The following GDA variants were observed in gnomAD, a reference collection of about 807,000 sequenced individuals.
GDA encodes the protein cytoplasmic PSD-95 interactor.
Under a neutral mutation model 59.6 loss-of-function variants are expected in GDA, and 18 were observed. The observed-to-expected ratio is 0.30, with a 90% CI of 0.21 to 0.45. The LOEUF (loss-of-function observed/expected upper bound fraction) is 0.45, where lower values mean the gene tolerates loss of function less well. Ranked by LOEUF, GDA falls within the 20% of genes least tolerant of loss-of-function variation. GDA has a pLI of 1.00. For missense variants in GDA, 427 were observed against 552.3 expected, an observed-to-expected ratio of 0.77 and a Z score of 2.27; for synonymous variants, 201 against 201.1, an observed-to-expected ratio of 1.00 and a Z score of 0.00.
intron 1 of GDA, among the ~76,000 whole-genome samples, chr9:72,150,137 A>G (rs1827006087): frequency 1.3e-5 from 2 of 152,182 alleles, no homozygotes; most frequent in African/African-American, 4.8e-5. Flanking sequence ...CATTTGATTG[A>G]TGTTGTTTAG....
chr9:72,160,879 T>C (rs1828537135), intron 1 of GDA, among the ~76,000 whole-genome samples: 1 of 152,106 alleles, frequency 6.6e-6, no homozygotes, highest in Non-Finnish European at 1.5e-5. Context: ...TGGATACACA[T>C]TTCAAGACTA....
chr9:72,115,536 A>T (rs1001199498), intron 1 of GDA, among the ~76,000 whole-genome samples: 1 of 152,226 alleles, frequency 6.6e-6, no homozygotes, highest in Non-Finnish European at 1.5e-5. Flanking sequence ...AAAAAATCTG[A>T]ATTGTATTGT....
rs577972168 is a variant in GDA, at chr9:72,247,312, G to T, written c.1267-94G>T. On this transcript the variant is annotated intron_variant, in intron 12 of 13. Transcript: ENST00000358399. ...GATTTTGCCATTGAGAAACAAATTC[G>T]TATTTCTGGGCTTTGTCAACCACTA... 7 of 810,274 alleles carry T rather than the reference G, an allele frequency of 8.6e-6. No individual in the cohort carries two copies. The East Asian group carries it at 9.8e-5, about 11-fold the overall frequency. The allele number at this position is 810,274 out of a possible 1,614,324, so 50.2% of individuals were successfully genotyped here.
rs201400872 is a variant in GDA at position 72,223,222 on chromosome 9, A to G, written c.709A>G (p.Ile237Val). ...GNIAKTRDLHIQSHISENRDE... is the reference protein window; with the variant it reads ...GNIAKTRDLHVQSHISENRDE... Reference sequence around the variant, plus strand: ...CATTGCTAAAACCCGTGATTTGCACATTCAGGTGGGTATTCTTCTTCTCTT... The same window carrying G: ...CATTGCTAAAACCCGTGATTTGCACGTTCAGGTGGGTATTCTTCTTCTCTT... The change falls in exon 7 of 14, where the codon ATT (isoleucine) becomes GTT (valine). Residue 237 changes from isoleucine (I) to valine (V), a missense_variant. Physicochemically the swap from Ile to Val is conservative, Grantham distance 29. Transcript: ENST00000358399. 6.3e-7 allele frequency: 1 copy of G among 1,587,046 alleles called. No homozygotes were observed. The highest frequency in any genetic ancestry group is 1.3e-5 in the African/African-American group (1 of 74,540).
At chr9:72,152,099 G>A (rs1349651417) in intron 1 of GDA, among the ~76,000 whole-genome samples, 2 of 152,142 alleles carry the variant, frequency 1.3e-5, no homozygotes, top group Non-Finnish European at 2.9e-5. Context: ...GTAGCGGGTG[G>A]ATTATAGCAG....
At chr9:72,199,945 C>G (rs572377409) in intron 2 of GDA, among the ~76,000 whole-genome samples, 3 of 151,672 alleles carry the variant, frequency 2.0e-5, no homozygotes, top group Non-Finnish European at 4.4e-5. Flanking sequence ...ACTCTGGCAT[C>G]GCCAACTTCT....
chr9:72,231,785 A>G (rs1838381888), intron 10 of GDA, among the ~76,000 whole-genome samples: 1 of 152,170 alleles, frequency 6.6e-6, no homozygotes, highest in South Asian at 2.1e-4. Context: ...TTAGTTTTCA[A>G]TAACTGTCAT....
chr9:72,186,892 A>T (rs1190095941), intron 1 of GDA, among the ~76,000 whole-genome samples: 1 of 152,062 alleles, frequency 6.6e-6, no homozygotes, highest in African/African-American at 2.4e-5. Flanking sequence ...TTATCTCTCC[A>T]TTGGAACCCA....
chr9:72,177,155 G>C (rs1830643464), intron 1 of GDA, among the ~76,000 whole-genome samples: 1 of 130,944 alleles, frequency 7.6e-6, no homozygotes, highest in African/African-American at 2.9e-5. Context: ...CTGGAGTGCA[G>C]TGGCACGATT....
chr9:72,250,843 TA>T lies in GDA; in HGVS notation c.*2506del. On this transcript the variant is annotated 3_prime_UTR_variant, in exon 14 of 14. Coordinates refer to ENST00000358399, the MANE Select transcript of GDA (RefSeq NM_004293.5). ...TTTCAACGGAATACACTTTGAAAGG[TA>T]AAAACAATTCAAAAGTATCGATTAT... 6.2e-7 allele frequency: 1 copy of T among 1,607,254 alleles called. No individual in the cohort carries two copies. Among genetic ancestry groups the T allele is most frequent in the Non-Finnish European group, 8.5e-7 (1 of 1,176,100 alleles).
rs549642644 is a variant in GDA at position 72,128,839 on chromosome 9, T to C, written c.-100+14006T>C. Among the ~76,000 whole-genome samples, 3 of 152,096 alleles carry C rather than the reference T, an allele frequency of 2.0e-5. No homozygotes were observed. In the South Asian group the frequency reaches 6.2e-4, roughly 32 times the overall value. On this transcript the variant is annotated intron_variant, in intron 1 of 13. Coordinates refer to the GDA transcript ENST00000545168. ...AATAAAATAGTGAATAGCAATACAA[T>C]CAAAAATATACAAATACACTTCTCA...
intron 1 of GDA, among the ~76,000 whole-genome samples, chr9:72,133,795 C>T (rs1178733372): frequency 6.6e-6 from 1 of 152,196 alleles, no homozygotes; most frequent in Non-Finnish European, 1.5e-5. Context: ...ATGGGGTCCT[C>T]TGTATGATGC....
At chr9:72,194,477 A>T (rs1332230792) in intron 1 of GDA, among the ~76,000 whole-genome samples, 1 of 152,118 alleles carries the variant, frequency 6.6e-6, no homozygotes, top group Non-Finnish European at 1.5e-5. Context: ...CTGACCCGGT[A>T]TCCAAGATGC....
At chr9:72,221,351 T>C (rs146045685) in intron 6 of GDA, among the ~76,000 whole-genome samples, 78 of 152,344 alleles carry the variant, frequency 5.1e-4, no homozygotes, top group African/African-American at 1.8e-3. Flanking sequence ...GCATCTGTCA[T>C]TTGGGATAGG....
At chr9:72,134,750 A>G (rs1028880291) in intron 1 of GDA, among the ~76,000 whole-genome samples, 6 of 152,186 alleles carry the variant, frequency 3.9e-5, no homozygotes, top group Non-Finnish European at 2.9e-5. Context: ...ATTCTGCCTC[A>G]AAATTTATTG....
chr9:72,146,299 G>A (rs1182279835), upstream of GDA, among the ~76,000 whole-genome samples: 1 of 152,118 alleles, frequency 6.6e-6, no homozygotes, highest in East Asian at 1.9e-4. Flanking sequence ...AATATTCCAT[G>A]CCAAGGCGGG....
chr9:72,258,242 G>T (rs1840907534), downstream of GDA, among the ~76,000 whole-genome samples: 1 of 152,018 alleles, frequency 6.6e-6, no homozygotes, highest in African/African-American at 2.4e-5. Flanking sequence ...GGGCCTGAGA[G>T]GTTGTGGCTG....
intron 1 of GDA, among the ~76,000 whole-genome samples, chr9:72,129,961 C>A (rs879464960): frequency 1.2e-4 from 19 of 152,136 alleles, no homozygotes; most frequent in Non-Finnish European, 2.6e-4. Context: ...AGAATTTCAT[C>A]CCCTGGAAGT....
chr9:72,150,212 T>G (rs1188267625), intron 1 of GDA, among the ~76,000 whole-genome samples: 2 of 152,032 alleles, frequency 1.3e-5, no homozygotes, highest in Non-Finnish European at 2.9e-5. Flanking sequence ...AGAGATAATA[T>G]ACTAACGATG....
Sources: allele counts gnomAD v4.1 joint callset (sites outside exome capture counted in the v4.1 genomes callset), GRCh38; gene constraint gnomAD v4.1.1; transcripts MANE v1.5; gene names NCBI Gene and HGNC (gene_info 2026-07-23, HGNC 2026-07-21).